GPR137B: variants seen among roughly 807,000 people sequenced by gnomAD.
GPR137B encodes G protein-coupled receptor 137B, also known as integral membrane protein GPR137B.
In GPR137B, 42 loss-of-function variants were observed where a neutral mutation model predicts 42.5. The ratio of observed to expected loss-of-function variants is 0.99; its 90% CI spans 0.77 to 1.28. The LOEUF (loss-of-function observed/expected upper bound fraction) is 1.28. GPR137B is among the 50% of genes most tolerant of loss of function. GPR137B has a pLI of 0.00. For missense variants in GPR137B, 487 were observed against 493.9 expected (o/e 0.99, Z 0.13); for synonymous variants, 218 against 209.7 (o/e 1.04, Z -0.34).
At chr1:236,161,025 G>A (rs74149571) in intron 1 of GPR137B, among the ~76,000 whole-genome samples, 3,406 of 152,080 alleles carry the variant, frequency 0.022, 158 homozygotes, top group African/African-American at 0.078. Flanking sequence ...ACAGTCCACT[G>A]TAGACCTTTT....
intron 1 of GPR137B, among the ~76,000 whole-genome samples, chr1:236,151,159 C>T (rs546433068): frequency 6.6e-5 from 10 of 152,222 alleles, no homozygotes; most frequent in African/African-American, 1.9e-4. Flanking sequence ...ACATTTTGGC[C>T]GGCCAGTTCT....
rs1662771288 is a variant in GPR137B, at chr1:236,178,785, G to GGTTTTTTTTT, written c.687+149_687+150insGTTTTTTTTT. ...GTCTCCCACACAGGGGCTACTCGAG[G>GGTTTTTTTTT]TTTTTTTTTTTTTTTTTTTTTTTTT... On this transcript the variant is annotated intron_variant, in intron 3 of 6. Transcript: ENST00000366592. 4.2e-4 allele frequency: 21 copies of GGTTTTTTTTT among 49,524 alleles called. 2 individuals are homozygous for GGTTTTTTTTT. The highest frequency in any genetic ancestry group is 1.3e-3 in the African/African-American group (20 of 15,360). 3.1% of individuals were successfully genotyped at this position (49,524 alleles called of 1,614,324 possible).
intron 2 of GPR137B, among the ~76,000 whole-genome samples, chr1:236,173,915 T>C (rs1662615982): frequency 1.4e-5 from 2 of 146,512 alleles, no homozygotes; most frequent in African/African-American, 5.2e-5. Flanking sequence ...ATAAAAGTGA[T>C]AACAAGGATA....
chr1:236,179,304 T>C (rs1287649763), intron 3 of GPR137B, among the ~76,000 whole-genome samples: 1 of 152,218 alleles, frequency 6.6e-6, no homozygotes, highest in African/African-American at 2.4e-5. Context: ...TAACTATCCA[T>C]TTTGAGCCAG....
chr1:236,196,923 A>G (rs1663355829), intron 5 of GPR137B, among the ~76,000 whole-genome samples: 1 of 152,170 alleles, frequency 6.6e-6, no homozygotes, highest in South Asian at 2.1e-4. Context: ...GGCTATAAAC[A>G]TGCCTGCACA....
intron 2 of GPR137B, among the ~76,000 whole-genome samples, chr1:236,170,528 C>G (rs116233737): frequency 2.0e-5 from 3 of 152,076 alleles, no homozygotes; most frequent in African/African-American, 7.2e-5. Flanking sequence ...GCTCAGTTCA[C>G]GTCTCTACCA....
chr1:236,150,181 TTGTGTGTGTCTGTGTGCCTG>T lies in GPR137B; in HGVS notation c.414+7160_414+7179del, dbSNP rs1482799529. ...TGTGCATGTGTGTGCCCGTTTGTGT[TTGTGTGTGTCTGTGTGCCTG>T]TGTGTGTGTCTGTGCCTGTGTGTGC... On this transcript the variant is annotated intron_variant, in intron 1 of 6. Coordinates refer to ENST00000366592, the MANE Select transcript of GPR137B (RefSeq NM_003272.4). The surrounding 1 kb of genome is among the most constrained non-coding windows in gnomAD (Gnocchi z 6.2). Among the ~76,000 whole-genome samples, 1 of 135,458 alleles carries T rather than the reference TTGTGTGTGTCTGTGTGCCTG, an allele frequency of 7.4e-6. No homozygotes were observed. Among genetic ancestry groups the T allele is most frequent in the Non-Finnish European group, 1.6e-5 (1 of 62,114 alleles). 88.9% of individuals were successfully genotyped at this position (135,458 alleles called of 152,430 possible).
intron 3 of GPR137B, among the ~76,000 whole-genome samples, chr1:236,179,094 C>T (rs1662794756): frequency 6.6e-6 from 1 of 151,184 alleles, no homozygotes; most frequent in African/African-American, 2.4e-5. Flanking sequence ...ACCGCGCCCG[C>T]ACTACTCAAG....
chr1:236,208,570 A>G lies in GPR137B; in HGVS notation c.*412A>G. The G allele has an allele frequency of 1.0e-6, 1 of 960,518 alleles. No homozygotes were observed. The highest frequency in any genetic ancestry group is 1.2e-6 in the Non-Finnish European group (1 of 806,014). 59.5% of individuals were successfully genotyped at this position (960,518 alleles called of 1,614,324 possible). On this transcript the variant is annotated 3_prime_UTR_variant, in exon 7 of 7. Transcript: ENST00000366592. ...TCTAATAGTTTTTTAAAGCTTTTGG[A>G]CTAAAGTATTCCACAAATCTTACCT...
intron 2 of GPR137B, among the ~76,000 whole-genome samples, chr1:236,173,828 C>A (rs1406154346): frequency 6.6e-6 from 1 of 152,140 alleles, no homozygotes; most frequent in Non-Finnish European, 1.5e-5. Flanking sequence ...TCTCGCCACA[C>A]CTCCAGATCG....
At position 236,178,494 on chromosome 1, in the gene GPR137B, C is replaced by CGGGAAATT. The variant is rs1340924603; in HGVS notation, c.550_557dup (p.Arg187IlefsTer38). ...TTAACCTGTGCTGTGCTGGTAAAGACGGGAAATTGGGAGAGGAAGGTTATC... is the reference window on the plus strand; with the variant it reads ...TTAACCTGTGCTGTGCTGGTAAAGACGGGAAATTGGGAAATTGGGAGAGGAAGGTTATC... On this transcript the variant is annotated frameshift_variant, in exon 3 of 7. Coordinates refer to ENST00000366592, the MANE Select transcript of GPR137B (RefSeq NM_003272.4). LOFTEE classifies it high-confidence loss of function. 6.2e-7 allele frequency: 1 copy of CGGGAAATT among 1,613,712 alleles called. No individual in the cohort carries two copies. The highest frequency in any genetic ancestry group is 8.5e-7 in the Non-Finnish European group (1 of 1,179,828).
At chr1:236,190,820 G>A (rs1663173037) in intron 5 of GPR137B, among the ~76,000 whole-genome samples, 1 of 151,516 alleles carries the variant, frequency 6.6e-6, no homozygotes, top group Non-Finnish European at 1.5e-5. Context: ...TGACGATTAT[G>A]TGTCTTGCCC....
intron 1 of GPR137B, among the ~76,000 whole-genome samples, chr1:236,160,143 C>G (rs1372951258): frequency 6.6e-6 from 1 of 152,242 alleles, no homozygotes; most frequent in African/African-American, 2.4e-5. Flanking sequence ...TGACAAACTT[C>G]AGGGTTTCTG....
In GPR137B at chr1:236,178,495, G is replaced by A. The variant is rs777467429; in HGVS notation, c.546G>A (p.Thr182=). The change falls in exon 3 of 7, where the codon ACG becomes ACA. Residue 182 remains threonine, a synonymous_variant. Transcript: ENST00000366592. The part of the protein sequence containing the change: ...VNLTCAVLVK[T]GNWERKVIVS... The stretch of plus-strand genomic sequence containing the variant: ...TAACCTGTGCTGTGCTGGTAAAGAC[G>A]GGAAATTGGGAGAGGAAGGTTATCG... 3.8e-5 allele frequency: 61 copies of A among 1,613,714 alleles called. No homozygotes were observed. Among genetic ancestry groups the A allele is most frequent in the Admixed American group, 5.0e-5 (3 of 59,988 alleles).
intron 5 of GPR137B, among the ~76,000 whole-genome samples, chr1:236,200,393 A>G (rs1351325946): frequency 6.6e-6 from 1 of 151,992 alleles, no homozygotes; most frequent in Admixed American, 6.6e-5. Flanking sequence ...ATTTAAGTCC[A>G]TTGTTTCTTT....
intron 2 of GPR137B, among the ~76,000 whole-genome samples, chr1:236,170,162 G>A (rs1050079471): frequency 6.6e-6 from 1 of 152,042 alleles, no homozygotes; most frequent in East Asian, 1.9e-4. Context: ...GTTTCTGCCC[G>A]GGAGAACTCC....
At chr1:236,165,303 G>A (rs1399365700) in intron 1 of GPR137B, among the ~76,000 whole-genome samples, 1 of 152,238 alleles carries the variant, frequency 6.6e-6, no homozygotes, top group Non-Finnish European at 1.5e-5. Flanking sequence ...ATGGCTTTGA[G>A]CTTGGGAGGA....
intron 5 of GPR137B, among the ~76,000 whole-genome samples, chr1:236,200,355 C>G (rs939766704): frequency 1.3e-5 from 2 of 152,012 alleles, no homozygotes; most frequent in Admixed American, 6.5e-5. Flanking sequence ...CTGTAAGTAT[C>G]TGTTAAGTCC....
chr1:236,208,498 G>A lies in GPR137B; in HGVS notation c.*340G>A, dbSNP rs759295118. 1.5e-5 allele frequency: 14 copies of A among 937,014 alleles called. No homozygotes were observed. Among genetic ancestry groups the A allele is most frequent in the Non-Finnish European group, 1.8e-5 (14 of 773,348 alleles). The allele number at this position is 937,014 out of a possible 1,614,324, so 58.0% of individuals were successfully genotyped here. A position where few individuals can be genotyped will look rare whatever the true frequency, so the allele number is the denominator to read the frequency against. The stretch of plus-strand genomic sequence containing the variant: ...TGTTACTGCAATCATGTTGTAGTTT[G>A]CACAGACTTTTATGCATAATTCACT... On this transcript the variant is annotated 3_prime_UTR_variant, in exon 7 of 7. Coordinates refer to ENST00000366592, the MANE Select transcript of GPR137B (RefSeq NM_003272.4).
Sources: gnomAD v4.1 joint callset for allele counts (sites outside exome capture counted in the v4.1 genomes callset) on GRCh38, gnomAD v4.1.1 for gene constraint, Gnocchi (gnomAD v3.1) non-coding constraint, MANE v1.5 for transcripts, NCBI Gene and HGNC (gene_info 2026-07-23, HGNC 2026-07-21) for gene names.